Variants in C12orf42 observed in about 807,000 individuals in gnomAD.
C12orf42 encodes chromosome 12 open reading frame 42.
In C12orf42, 25 loss-of-function variants were observed where a neutral mutation model predicts 21.6. That is an observed-to-expected ratio of 1.16 (90% confidence interval 0.84 to 1.62). C12orf42 has a LOEUF of 1.62. C12orf42 is among the 40% of genes most tolerant of loss of function. The pLI, the probability that C12orf42 is intolerant of heterozygous loss-of-function variation, is 0.00. For missense variants in C12orf42, 483 were observed against 459.3 expected (o/e 1.05, Z -0.47); for synonymous variants, 174 against 175.0 (o/e 0.99, Z 0.05).
intron 2 of C12orf42, chr12:103,478,112 G>A (rs1212418731): frequency 2.5e-6 from 1 of 404,618 alleles, no homozygotes; most frequent in Non-Finnish European, 4.4e-6. Context: ...ACATTTCTAA[G>A]TTTTCCTAGC....
At chr12:103,398,388 G>T (rs1364501617) in intron 3 of C12orf42, among the ~76,000 whole-genome samples, 5 of 152,056 alleles carry the variant, frequency 3.3e-5, no homozygotes, top group Non-Finnish European at 7.4e-5. Flanking sequence ...TTACAAATTT[G>T]TGGGAATTCT....
the C12orf42 span, among the ~76,000 whole-genome samples, chr12:103,061,386 G>A: frequency 2.0e-5 from 3 of 152,102 alleles, 1 homozygote; most frequent in South Asian, 6.2e-4. Context: ...ATGTCAATTA[G>A]GTCAAAGTGG....
chr12:103,482,060 C>T (rs1224353157), intron 1 of C12orf42, among the ~76,000 whole-genome samples: 1 of 152,076 alleles, frequency 6.6e-6, no homozygotes, highest in Admixed American at 6.6e-5. Context: ...AATTGCTGTT[C>T]TTTTCCCCCA....
intron 2 of C12orf42, among the ~76,000 whole-genome samples, chr12:103,438,436 GT>G (rs1950922343): frequency 6.6e-6 from 1 of 151,838 alleles, no homozygotes; most frequent in Admixed American, 6.6e-5. Context: ...GAAATAAAGG[GT>G]ATTCAATTAG....
the C12orf42 span, among the ~76,000 whole-genome samples, chr12:103,181,843 GAGAAAAGCTA>G: frequency 2.6e-5 from 4 of 152,204 alleles, no homozygotes; most frequent in Non-Finnish European, 5.9e-5. Context: ...CACAGGTAGG[GAGAAAAGCTA>G]AGACACATTT....
At chr12:103,416,903 A>G (rs144819998) in intron 2 of C12orf42, among the ~76,000 whole-genome samples, 1 of 152,186 alleles carries the variant, frequency 6.6e-6, no homozygotes. Flanking sequence ...AAAAGATATT[A>G]TAACTAGTAT....
At chr12:103,156,281 C>G in the C12orf42 span, 1 of 151,918 alleles carries the variant, frequency 6.6e-6, no homozygotes, top group Non-Finnish European at 1.5e-5. Flanking sequence ...GAAAACAGAC[C>G]AAGCTAATCT....
the C12orf42 span, among the ~76,000 whole-genome samples, chr12:103,171,575 G>A: frequency 3.3e-5 from 5 of 152,066 alleles, no homozygotes; most frequent in African/African-American, 1.2e-4. Flanking sequence ...TGAGTCGCAG[G>A]AGCTGGAAGA....
the C12orf42 span, among the ~76,000 whole-genome samples, chr12:103,181,457 T>TCAA: frequency 6.6e-6 from 1 of 152,156 alleles, no homozygotes; most frequent in African/African-American, 2.4e-5. Flanking sequence ...AATGGGTTAC[T>TCAA]CAACAACAAC....
intron 4 of C12orf42, among the ~76,000 whole-genome samples, chr12:103,367,289 A>G (rs2044692076): frequency 6.6e-6 from 1 of 151,922 alleles, no homozygotes; most frequent in Non-Finnish European, 1.5e-5. Flanking sequence ...TTGAGGATTC[A>G]GGGGAAATAG....
the C12orf42 span, among the ~76,000 whole-genome samples, chr12:103,530,869 C>T: frequency 3.9e-5 from 6 of 152,300 alleles, no homozygotes; most frequent in South Asian, 4.2e-4. Flanking sequence ...AATCTATTCC[C>T]GCCACAGCTC....
At chr12:103,150,837 A>G in the C12orf42 span, among the ~76,000 whole-genome samples, 3 of 152,198 alleles carry the variant, frequency 2.0e-5, no homozygotes, top group East Asian at 3.8e-4. Context: ...ACTCATATAC[A>G]TATATTTTTC....
At chr12:103,548,461 C>T in the C12orf42 span, among the ~76,000 whole-genome samples, 40 of 152,222 alleles carry the variant, frequency 2.6e-4, no homozygotes, top group African/African-American at 8.9e-4. Flanking sequence ...AAACAATGAC[C>T]ATCTAATGAA....
At chr12:103,253,378 T>C (rs1302082202) in intron 10 of C12orf42, among the ~76,000 whole-genome samples, 6 of 152,152 alleles carry the variant, frequency 3.9e-5, no homozygotes, top group Non-Finnish European at 8.8e-5. Context: ...CAGCATTAAA[T>C]CTAAACATTA....
chr12:103,456,051 C>A (rs866566708), intron 2 of C12orf42: 1 of 152,096 alleles, frequency 6.6e-6, no homozygotes, highest in Non-Finnish European at 1.5e-5. Context: ...GCAAGCTGAT[C>A]CCCCAAGTCT....
chr12:103,193,462 A>T, the C12orf42 span, among the ~76,000 whole-genome samples: 1 of 151,890 alleles, frequency 6.6e-6, no homozygotes, highest in Non-Finnish European at 1.5e-5. Flanking sequence ...CAAAAAGATA[A>T]GCAAAATCAA....
chr12:103,276,800 T>C (rs1030586987), intron 5 of C12orf42, among the ~76,000 whole-genome samples: 20 of 152,324 alleles, frequency 1.3e-4, no homozygotes, highest in African/African-American at 4.8e-4. Context: ...ATTTGTGCAA[T>C]TGATGAACAG....
the C12orf42 span, among the ~76,000 whole-genome samples, chr12:103,133,630 A>G: frequency 3.3e-5 from 5 of 151,700 alleles, no homozygotes; most frequent in Non-Finnish European, 7.4e-5. Context: ...AGCCAAAGAA[A>G]TCATATGAAG....
chr12:103,487,678 C>T (rs1372819557), intron 1 of C12orf42, among the ~76,000 whole-genome samples: 3 of 152,184 alleles, frequency 2.0e-5, no homozygotes, highest in African/African-American at 7.2e-5. Flanking sequence ...GTTAGCTCTT[C>T]TTGTTAAATT....
Sources: gnomAD v4.1 joint callset for allele counts (sites outside exome capture counted in the v4.1 genomes callset) on GRCh38, gnomAD v4.1.1 for gene constraint, MANE v1.5 for transcripts, NCBI Gene and HGNC (gene_info 2026-07-23, HGNC 2026-07-21) for gene names.